The following TRDN variants were observed in gnomAD, a reference collection of about 807,000 sequenced individuals.
TRDN encodes triadin.
Under a neutral mutation model 149.7 loss-of-function variants are expected in TRDN, and 161 were observed. That is an observed-to-expected ratio of 1.08 (90% CI 0.95 to 1.23). The LOEUF is 1.23. Among genes scored for constraint, TRDN ranks in the 50% most tolerant of loss-of-function variants. TRDN has a pLI of 0.00. For missense variants in TRDN, 896 were observed against 823.5 expected (o/e 1.09, Z -1.08); for synonymous variants, 294 against 250.5 (o/e 1.17, Z -1.64).
intron 27 of TRDN, among the ~76,000 whole-genome samples, chr6:123,274,009 G>A (rs952945730): frequency 2.0e-5 from 3 of 151,992 alleles, no homozygotes; most frequent in South Asian, 4.1e-4. Context: ...CCAGGGTTTG[G>A]TGCAAATCAG....
At chr6:123,634,812 T>C (rs34232667) in intron 1 of TRDN, among the ~76,000 whole-genome samples, 2,691 of 152,034 alleles carry the variant, frequency 0.018, 35 homozygotes, top group Non-Finnish European at 0.027. Context: ...CTATGAACTG[T>C]TAAGGCCCGG....
chr6:123,444,825 T>C (rs1583034699), intron 10 of TRDN, among the ~76,000 whole-genome samples: 1 of 152,222 alleles, frequency 6.6e-6, no homozygotes, highest in Non-Finnish European at 1.5e-5. Context: ...ATTACATTTA[T>C]TGATTTGCGT....
intron 1 of TRDN, among the ~76,000 whole-genome samples, chr6:123,597,466 G>T (rs970440927): frequency 6.6e-6 from 1 of 152,052 alleles, no homozygotes; most frequent in Admixed American, 6.6e-5. Context: ...TAAAAAACTG[G>T]CCTAGTTGTA....
chr6:123,329,860 A>G (rs1779596882), intron 23 of TRDN, among the ~76,000 whole-genome samples: 1 of 152,098 alleles, frequency 6.6e-6, no homozygotes, highest in Non-Finnish European at 1.5e-5. Context: ...ATTACATTTA[A>G]TTGTCTTTTT....
intron 2 of TRDN, among the ~76,000 whole-genome samples, chr6:123,549,507 T>A (rs1781280776): frequency 6.6e-6 from 1 of 152,104 alleles, no homozygotes; most frequent in Non-Finnish European, 1.5e-5. Context: ...TTTTAGCTTT[T>A]CAGAGATTTT....
intron 38 of TRDN, among the ~76,000 whole-genome samples, chr6:123,248,407 A>T (rs1450339417): frequency 2.0e-5 from 3 of 152,000 alleles, no homozygotes; most frequent in African/African-American, 7.2e-5. Flanking sequence ...ACATACAAAA[A>T]TTAGCCAGGT....
chr6:123,573,828 A>G (rs1267629392), intron 1 of TRDN, among the ~76,000 whole-genome samples: 1 of 152,064 alleles, frequency 6.6e-6, no homozygotes, highest in Non-Finnish European at 1.5e-5. Context: ...GAACCCTTCA[A>G]ACAGCTATGT....
intron 5 of TRDN, among the ~76,000 whole-genome samples, chr6:123,521,241 G>A (rs1028362214): frequency 3.3e-5 from 5 of 152,078 alleles, no homozygotes; most frequent in African/African-American, 1.2e-4. Flanking sequence ...ATATGTTGAA[G>A]TCATTAGCCC....
At chr6:123,543,583 AT>A (rs1374592857) in intron 4 of TRDN, among the ~76,000 whole-genome samples, 1 of 152,000 alleles carries the variant, frequency 6.6e-6, no homozygotes, top group Non-Finnish European at 1.5e-5. Flanking sequence ...ATCATGCTCA[AT>A]TTTTTCCCTT....
intron 10 of TRDN, among the ~76,000 whole-genome samples, chr6:123,463,401 C>T (rs180868686): frequency 9.9e-5 from 15 of 150,794 alleles, no homozygotes; most frequent in African/African-American, 2.7e-4. Context: ...AATAACAGAA[C>T]CTAAGCGTCC....
chr6:123,258,907 T>C (rs1258388575), intron 35 of TRDN, among the ~76,000 whole-genome samples: 1 of 152,172 alleles, frequency 6.6e-6, no homozygotes, highest in East Asian at 1.9e-4. Context: ...TCTTCTAGAT[T>C]TTCTAGTTTA....
At chr6:123,252,991 A>G (rs1353802186) in intron 37 of TRDN, among the ~76,000 whole-genome samples, 1 of 152,084 alleles carries the variant, frequency 6.6e-6, no homozygotes, top group African/African-American at 2.4e-5. Context: ...ACAGCTAAAT[A>G]TTTTCTTTAA....
intron 33 of TRDN, among the ~76,000 whole-genome samples, chr6:123,262,363 CTTTTG>C (rs1196609001): frequency 6.6e-6 from 1 of 151,790 alleles, no homozygotes; most frequent in Non-Finnish European, 1.5e-5. Context: ...ATTACTGTGT[CTTTTG>C]TTTTTGTTTT....
intron 8 of TRDN, chr6:123,502,240 A>G (rs1778730108): frequency 1.0e-6 from 1 of 970,944 alleles, no homozygotes; most frequent in Non-Finnish European, 1.2e-6. Flanking sequence ...AAAATATTAT[A>G]TTCAACGTAT....
At chr6:123,583,657 T>C (rs956719180) in intron 1 of TRDN, among the ~76,000 whole-genome samples, 5 of 152,024 alleles carry the variant, frequency 3.3e-5, no homozygotes, top group African/African-American at 1.2e-4. Flanking sequence ...AAGGCTAAAC[T>C]GAGGAATTAT....
At chr6:123,569,136 C>T (rs966413460) in intron 2 of TRDN, among the ~76,000 whole-genome samples, 3 of 152,166 alleles carry the variant, frequency 2.0e-5, no homozygotes, top group African/African-American at 7.2e-5. Flanking sequence ...AGATACACTA[C>T]ATCATTACTC....
chr6:123,544,255 A>G (rs1384464483), intron 4 of TRDN, among the ~76,000 whole-genome samples: 3 of 28,328 alleles, frequency 1.1e-4, no homozygotes, highest in Admixed American at 4.1e-4. Context: ...ATACACACAC[A>G]CACACACACA....
intron 23 of TRDN, among the ~76,000 whole-genome samples, chr6:123,326,742 T>C (rs1313082473): frequency 1.3e-5 from 2 of 152,056 alleles, no homozygotes; most frequent in East Asian, 1.9e-4. Context: ...ATCACCCACA[T>C]TTTTCAGTGA....
At chr6:123,331,687 C>T (rs1384568790) in intron 23 of TRDN, among the ~76,000 whole-genome samples, 192 bp downstream of exon 23, 8 of 151,982 alleles carry the variant, frequency 5.3e-5, no homozygotes, top group African/African-American at 1.9e-4. Context: ...TGCAGCTACA[C>T]TTTCCTTTTT....
Sources: allele counts gnomAD v4.1 joint callset (sites outside exome capture counted in the v4.1 genomes callset), GRCh38; gene constraint gnomAD v4.1.1; transcripts MANE v1.5; gene names NCBI Gene and HGNC (gene_info 2026-07-23, HGNC 2026-07-21).